Variants in HDAC9 observed in about 807,000 individuals in gnomAD.
HDAC9 encodes histone deacetylase 9.
Under a neutral mutation model 139.4 loss-of-function variants are expected in HDAC9, and 41 were observed. The observed-to-expected ratio is 0.29, with a 90% CI of 0.23 to 0.38. The LOEUF (loss-of-function observed/expected upper bound fraction) is 0.38, where lower values mean the gene tolerates loss of function less well. Ranked by LOEUF, HDAC9 falls within the 10% of genes least tolerant of loss-of-function variation. The pLI, the probability that HDAC9 is intolerant of heterozygous loss-of-function variation, is 1.00. For synonymous variants in HDAC9, 517 were observed against 476.2 expected (o/e 1.09, Z -1.12); for missense variants, 1,147 against 1,297.0 (o/e 0.88, Z 1.78).
At chr7:18,589,045 T>C (rs1830221747) in intron 3 of HDAC9, among the ~76,000 whole-genome samples, 2 of 152,152 alleles carry the variant, frequency 1.3e-5, no homozygotes, top group Non-Finnish European at 2.9e-5. Flanking sequence ...ATATTCTCTC[T>C]CTTACATATG....
At chr7:18,303,581 A>G (rs1167246775) in intron 1 of HDAC9, among the ~76,000 whole-genome samples, 1 of 152,094 alleles carries the variant, frequency 6.6e-6, no homozygotes, top group African/African-American at 2.4e-5. Flanking sequence ...TGAAAAGCAT[A>G]GGTGCTGGAG....
At chr7:18,576,416 C>T (rs1014020569) in intron 2 of HDAC9, among the ~76,000 whole-genome samples, 1 of 152,098 alleles carries the variant, frequency 6.6e-6, no homozygotes, top group African/African-American at 2.4e-5. Context: ...AATCCCAGCA[C>T]TTTGGGAGGC....
intron 17 of HDAC9, among the ~76,000 whole-genome samples, chr7:18,824,239 C>G (rs1045153920): frequency 2.6e-5 from 4 of 152,146 alleles, no homozygotes; most frequent in African/African-American, 9.7e-5. Flanking sequence ...CCTGCTGGAG[C>G]TGATCTGGGA....
At chr7:18,642,268 C>G (rs1167672985) in intron 8 of HDAC9, among the ~76,000 whole-genome samples, 1 of 151,958 alleles carries the variant, frequency 6.6e-6, no homozygotes, top group African/African-American at 2.4e-5. Context: ...TGTGCCAAGT[C>G]CCCTGACTCC....
intron 24 of HDAC9, among the ~76,000 whole-genome samples, chr7:18,966,543 A>G (rs1181635626): frequency 1.3e-5 from 2 of 152,198 alleles, no homozygotes; most frequent in Non-Finnish European, 2.9e-5. Flanking sequence ...CTACTAAAAA[A>G]TACAAAAATT....
At chr7:18,243,849 A>G (rs573484480) in intron 2 of HDAC9, among the ~76,000 whole-genome samples, 3 of 152,244 alleles carry the variant, frequency 2.0e-5, no homozygotes, top group Non-Finnish European at 2.9e-5. Context: ...GCAGGAGAAG[A>G]TAGATACAGC....
intron 2 of HDAC9, among the ~76,000 whole-genome samples, chr7:18,507,555 C>T (rs1246833914): frequency 2.6e-5 from 4 of 151,954 alleles, no homozygotes; most frequent in Non-Finnish European, 5.9e-5. Context: ...AGTGCAATGG[C>T]GCCCTCTTGG....
chr7:18,570,873 C>T (rs144896829), intron 2 of HDAC9, among the ~76,000 whole-genome samples: 9 of 152,310 alleles, frequency 5.9e-5, no homozygotes, highest in South Asian at 2.1e-4. Flanking sequence ...AAGAGAAACT[C>T]GGGAGACTGG....
intron 1 of HDAC9, among the ~76,000 whole-genome samples, chr7:18,409,230 C>T (rs1788314775): frequency 6.6e-6 from 1 of 152,084 alleles, no homozygotes; most frequent in Non-Finnish European, 1.5e-5. Context: ...GTTTCTGGTA[C>T]CCTGGCGATA....
At chr7:18,517,966 G>C (rs1751487259) in intron 2 of HDAC9, 1 of 151,998 alleles carries the variant, frequency 6.6e-6, no homozygotes, top group African/African-American at 2.4e-5. Context: ...TCTATTCCCA[G>C]TTCTTTCACT....
chr7:18,415,285 TAAG>T (rs912822527), intron 1 of HDAC9, among the ~76,000 whole-genome samples: 6 of 152,214 alleles, frequency 3.9e-5, no homozygotes, highest in Non-Finnish European at 8.8e-5. Context: ...GGGCTGATGT[TAAG>T]CCAGTTCACA....
chr7:18,102,820 C>T (rs965168871), intron 1 of HDAC9, among the ~76,000 whole-genome samples: 2 of 152,124 alleles, frequency 1.3e-5, no homozygotes, highest in Non-Finnish European at 2.9e-5. Context: ...CATTAAAGGA[C>T]GGGGTGTGCT....
At chr7:18,606,922 G>C (rs1835676167) in intron 6 of HDAC9, among the ~76,000 whole-genome samples, 1 of 152,148 alleles carries the variant, frequency 6.6e-6, no homozygotes, top group South Asian at 2.1e-4. Flanking sequence ...ACTTGTAAAT[G>C]TTGTAATTGA....
intron 2 of HDAC9, among the ~76,000 whole-genome samples, chr7:18,273,747 A>G (rs1796538269): frequency 6.6e-6 from 1 of 152,216 alleles, no homozygotes; most frequent in Non-Finnish European, 1.5e-5. Flanking sequence ...ATTAGCATTC[A>G]GAATACCAAA....
intron 1 of HDAC9, among the ~76,000 whole-genome samples, chr7:18,160,907 T>A (rs757657372): frequency 1.3e-5 from 2 of 152,106 alleles, no homozygotes; most frequent in Non-Finnish European, 2.9e-5. Context: ...ATAGTAAATA[T>A]CACATTGAAC....
At chr7:18,247,005 A>G (rs1309845568) in intron 2 of HDAC9, among the ~76,000 whole-genome samples, 1 of 152,100 alleles carries the variant, frequency 6.6e-6, no homozygotes, top group Non-Finnish European at 1.5e-5. Context: ...TAACGTGAGC[A>G]ACTGGAAGGA....
At chr7:18,216,152 G>A (rs1357791334) in intron 2 of HDAC9, among the ~76,000 whole-genome samples, 1 of 151,726 alleles carries the variant, frequency 6.6e-6, no homozygotes, top group Non-Finnish European at 1.5e-5. Context: ...GAGAGAGACA[G>A]AGAGAGTTTG....
intron 1 of HDAC9, among the ~76,000 whole-genome samples, chr7:18,349,306 CTACACACACA>C (rs1782666808): frequency 1.2e-5 from 1 of 81,788 alleles, no homozygotes; most frequent in South Asian, 4.9e-4. Flanking sequence ...TTGAGAACAT[CTACACACACA>C]CACACACACA....
chr7:18,392,315 TCACACACACACACACACACACACA>T (rs57932620), intron 1 of HDAC9, among the ~76,000 whole-genome samples: 1 of 119,298 alleles, frequency 8.4e-6, no homozygotes, highest in African/African-American at 3.3e-5. Flanking sequence ...TCTCTCTCTC[TCACACACACACACACACACACACA>T]CACACACACA....
Sources: gnomAD v4.1 joint callset for allele counts (sites outside exome capture counted in the v4.1 genomes callset) on GRCh38, gnomAD v4.1.1 for gene constraint, MANE v1.5 for transcripts, NCBI Gene and HGNC (gene_info 2026-07-23, HGNC 2026-07-21) for gene names.